The following LARP4 variants were observed in gnomAD, a reference collection of about 807,000 sequenced individuals.
The protein encoded by LARP4 is la-related protein 4.
In LARP4, 29 loss-of-function variants were observed where a neutral mutation model predicts 92.9. That is an observed-to-expected ratio of 0.31 (90% CI 0.23 to 0.43). LARP4 has a LOEUF of 0.43. Ranked by LOEUF, LARP4 falls within the 20% of genes least tolerant of loss-of-function variation. The pLI is 1.00. For missense variants in LARP4, 732 were observed against 860.0 expected, an observed-to-expected ratio of 0.85 and a Z score of 1.86; for synonymous variants, 279 against 284.1, an observed-to-expected ratio of 0.98 and a Z score of 0.18.
intron 1 of LARP4, among the ~76,000 whole-genome samples, chr12:50,404,967 C>A (rs1261814075): frequency 6.6e-6 from 1 of 151,652 alleles, no homozygotes; most frequent in East Asian, 1.9e-4. Flanking sequence ...GAATTACAGG[C>A]GTGAGCCACC....
intron 10 of LARP4, among the ~76,000 whole-genome samples, chr12:50,457,632 A>G (rs1954561962): frequency 6.6e-6 from 1 of 152,072 alleles, no homozygotes. Context: ...TAGGCAACAG[A>G]GTGAAACCTC....
At chr12:50,423,436 A>C (rs941273652) in intron 1 of LARP4, among the ~76,000 whole-genome samples, 1 of 152,186 alleles carries the variant, frequency 6.6e-6, no homozygotes. Context: ...GACATGCTTT[A>C]TAAAAAAATC....
Position 50,478,888 on chromosome 12 carries a change from G to C in LARP4, c.*3024G>C, listed in dbSNP as rs1339014160. 6.6e-6 allele frequency: 1 copy of C among 152,080 alleles called. No individual in the cohort carries two copies. The highest frequency in any genetic ancestry group is 1.5e-5 in the Non-Finnish European group (1 of 67,988). The allele number at this position is 152,080 out of a possible 1,614,324, so 9.4% of individuals were successfully genotyped here. On this transcript the variant is annotated 3_prime_UTR_variant, in exon 16 of 16. Coordinates refer to ENST00000398473, the MANE Select transcript of LARP4 (RefSeq NM_052879.5). ...GAATATAAGAGCTTTCAATGATAAA[G>C]GTTTGTTGTAGTTGTCTTATGTGCT...
Position 50,435,536 on chromosome 12 carries a change from T to C in LARP4, c.447T>C (p.Asp149=), listed in dbSNP as rs768127351. ...DLYLISQMDS[D]QFIPIWTVAN... Reference sequence around the variant, plus strand: ...ACTTGATATCTCAAATGGATAGTGATCAGTTCATCCCAATTTGGACAGTTG... The same window carrying C: ...ACTTGATATCTCAAATGGATAGTGACCAGTTCATCCCAATTTGGACAGTTG... The change falls in exon 5 of 16, where the codon GAT becomes GAC. Residue 149 remains aspartate (D), a synonymous_variant. Coordinates refer to ENST00000398473, the MANE Select transcript of LARP4 (RefSeq NM_052879.5). 2 of 1,590,906 alleles carry C rather than the reference T, an allele frequency of 1.3e-6. No individual in the cohort carries two copies. Among genetic ancestry groups the C allele is most frequent in the East Asian group, 2.2e-5 (1 of 44,710 alleles).
chr12:50,463,601 A>C (rs986180722), intron 12 of LARP4, among the ~76,000 whole-genome samples: 1 of 151,744 alleles, frequency 6.6e-6, no homozygotes, highest in South Asian at 2.1e-4. Flanking sequence ...ATAATAAACA[A>C]AATAATCTCC....
intron 1 of LARP4, among the ~76,000 whole-genome samples, chr12:50,414,122 C>A (rs377468846): frequency 1.2e-4 from 19 of 152,258 alleles, no homozygotes; most frequent in East Asian, 1.2e-3. Flanking sequence ...TTTTCCTTTT[C>A]ATGCTTATCA....
intron 8 of LARP4, among the ~76,000 whole-genome samples, chr12:50,447,290 A>G (rs1952364165): frequency 6.6e-6 from 1 of 152,188 alleles, no homozygotes; most frequent in South Asian, 2.1e-4. Context: ...GGTAAGGCAT[A>G]CTCAGCCTGT....
chr12:50,405,244 C>G (rs1250401141), intron 1 of LARP4, among the ~76,000 whole-genome samples: 5 of 152,048 alleles, frequency 3.3e-5, no homozygotes, highest in Non-Finnish European at 7.4e-5. Flanking sequence ...AACAATGTCC[C>G]TCTCTGGAAA....
At chr12:50,422,498 T>G (rs769131155) in intron 1 of LARP4, among the ~76,000 whole-genome samples, 7 of 152,140 alleles carry the variant, frequency 4.6e-5, no homozygotes, top group Non-Finnish European at 7.4e-5. Context: ...TCTTAAAATA[T>G]TTGATGTAGG....
chr12:50,443,363 C>T lies in LARP4; in HGVS notation c.804+1720C>T, dbSNP rs920724938. Among the ~76,000 whole-genome samples the T allele has an allele frequency of 3.9e-5, 6 of 152,028 alleles. 1 individual carries two copies. The highest frequency in any genetic ancestry group is 6.3e-3 in the Middle Eastern group (2 of 316). ...ACGGCTCACTGCTGCCTCGACCTCT[C>T]AGGCTCAAGTGATCTTCCCACCTCA... is the stretch of plus-strand genomic sequence containing the variant. On this transcript the variant is annotated intron_variant, in intron 8 of 15. Transcript: ENST00000398473.
chr12:50,465,487 G>C (rs1956043119), intron 12 of LARP4, among the ~76,000 whole-genome samples: 1 of 152,146 alleles, frequency 6.6e-6, no homozygotes, highest in Non-Finnish European at 1.5e-5. Flanking sequence ...CCAGTAGGTA[G>C]GTCATGGTAG....
chr12:50,462,278 G>A (rs961739417), intron 11 of LARP4, among the ~76,000 whole-genome samples: 2 of 151,604 alleles, frequency 1.3e-5, no homozygotes, highest in Non-Finnish European at 1.5e-5. Context: ...TCAGGAGATC[G>A]AGACCATCCT....
At chr12:50,422,383 C>T (rs778475901) in intron 1 of LARP4, among the ~76,000 whole-genome samples, 61 of 152,114 alleles carry the variant, frequency 4.0e-4, no homozygotes, top group Non-Finnish European at 8.2e-4. Context: ...GCTGTTTTTT[C>T]CACTCTATTA....
chr12:50,441,432 G>A lies in LARP4; in HGVS notation c.751-158G>A, dbSNP rs1951190364. On this transcript the variant is annotated intron_variant, in intron 7 of 15. Transcript: ENST00000398473. ...AAATATGAACTGTGATTGAGAAGGCGTTACATTTTTACTTTTTCATTCCCT... is the reference window on the plus strand; with the variant it reads ...AAATATGAACTGTGATTGAGAAGGCATTACATTTTTACTTTTTCATTCCCT... The A allele has an allele frequency of 3.9e-5, 19 of 493,170 alleles. No individual in the cohort carries two copies. In the South Asian group the frequency reaches 4.6e-4, roughly 12 times the overall value. 30.5% of individuals were successfully genotyped at this position (493,170 alleles called of 1,614,324 possible).
chr12:50,426,838 A>C (rs555961099), intron 1 of LARP4, among the ~76,000 whole-genome samples: 1 of 150,396 alleles, frequency 6.6e-6, no homozygotes, highest in Non-Finnish European at 1.5e-5. Context: ...TCCCAGGCTC[A>C]AGCCATTCTT....
chr12:50,408,631 C>G (rs1945289234), intron 1 of LARP4, among the ~76,000 whole-genome samples: 1 of 152,146 alleles, frequency 6.6e-6, no homozygotes, highest in Admixed American at 6.6e-5. Flanking sequence ...ATGATCTTAC[C>G]TGCTATTTTG....
chr12:50,442,376 A>G (rs1951349422), intron 8 of LARP4, among the ~76,000 whole-genome samples: 2 of 152,164 alleles, frequency 1.3e-5, no homozygotes, highest in African/African-American at 4.8e-5. Context: ...CTGTCTTTAC[A>G]TGTCTAATCT....
chr12:50,443,231 G>A (rs1951499170), intron 8 of LARP4, among the ~76,000 whole-genome samples: 1 of 152,060 alleles, frequency 6.6e-6, no homozygotes, highest in South Asian at 2.1e-4. Context: ...TTTTCTTTGA[G>A]TTCTGCTTCC....
At chr12:50,417,374 CAAAAAAA>C (rs763815019) in intron 1 of LARP4, among the ~76,000 whole-genome samples, 1 of 121,186 alleles carries the variant, frequency 8.3e-6, no homozygotes, top group Non-Finnish European at 1.8e-5. Flanking sequence ...AACTCTGTCT[CAAAAAAA>C]AAAAAGAAAA....
Sources: gnomAD v4.1 joint callset for allele counts (sites outside exome capture counted in the v4.1 genomes callset) on GRCh38, gnomAD v4.1.1 for gene constraint, MANE v1.5 for transcripts, NCBI Gene and HGNC (gene_info 2026-07-23, HGNC 2026-07-21) for gene names.